Variants in ACTN4 observed in about 807,000 individuals in gnomAD.
ACTN4 encodes the protein actinin alpha 4.
In ACTN4, 18 loss-of-function variants were observed where a neutral mutation model predicts 114.2. The observed-to-expected ratio is 0.16, with a 90% CI of 0.11 to 0.23. The LOEUF (loss-of-function observed/expected upper bound fraction) is 0.23. Ranked by LOEUF, ACTN4 falls within the 10% of genes least tolerant of loss-of-function variation. The pLI is 1.00. For missense variants in ACTN4, 722 were observed against 1,262.9 expected, an observed-to-expected ratio of 0.57 and a Z score of 6.49; for synonymous variants, 515 against 506.3, an observed-to-expected ratio of 1.02 and a Z score of -0.23.
intron 16 of ACTN4, 49 bp from the exon 17 acceptor site, chr19:38,725,675 G>C (rs776626049): frequency 3.1e-6 from 5 of 1,596,016 alleles, no homozygotes; most frequent in African/African-American, 1.3e-5. Context: ...GGTGGTCAGT[G>C]GGGGCAGGCC....
intron 3 of ACTN4, among the ~76,000 whole-genome samples, chr19:38,701,751 C>T (rs1349878700): frequency 6.6e-6 from 1 of 152,240 alleles, no homozygotes; most frequent in Non-Finnish European, 1.5e-5. Flanking sequence ...GGGTTGAGCT[C>T]CCAGGCGCTT....
intron 6 of ACTN4, 94 bp downstream of exon 6, chr19:38,708,289 CCTCCAGAT>C: frequency 1.4e-6 from 2 of 1,397,058 alleles, no homozygotes; most frequent in Admixed American, 3.5e-5. Flanking sequence ...CCATCGCCAG[CCTCCAGAT>C]CTGGGTTCTG....
intron 1 of ACTN4, among the ~76,000 whole-genome samples, chr19:38,677,734 T>G (rs1967425457): frequency 6.6e-6 from 1 of 152,152 alleles, no homozygotes; most frequent in Admixed American, 6.6e-5. Flanking sequence ...GATGCGATGC[T>G]TTTCTTTTTT....
In ACTN4 at chr19:38,724,335, A is replaced by G. The variant is rs750486023; in HGVS notation, c.1871A>G (p.Glu624Gly). The change falls in exon 15 of 21, where the codon GAG becomes GGG. Residue 624 changes from glutamate (E) to glycine (G), a missense_variant. By Grantham distance (98) the Glu-to-Gly change is moderately conservative. This residue lies in a region of ACTN4 where 523 missense variants were observed against 875.9 expected (regional missense o/e 0.60). Coordinates refer to ENST00000252699, the MANE Select transcript of ACTN4 (RefSeq NM_004924.6). This position sits in a 1 kb window ranked among gnomAD's most constrained non-coding sequence, Gnocchi z 7.0. Reference sequence around the variant, plus strand: ...CCGCAAATCATCAACTCCAAGTGGGAGAAGGTGGGCCGGGGCCATCCGTAG... The same window carrying G: ...CCGCAAATCATCAACTCCAAGTGGGGGAAGGTGGGCCGGGGCCATCCGTAG... The part of the protein sequence containing the change: ...VTPQIINSKW[E>G]KVQQLVPKRD... The G allele has an allele frequency of 2.0e-5, 32 of 1,613,324 alleles. No homozygotes were observed. The highest frequency in any genetic ancestry group is 6.7e-5 in the Admixed American group (4 of 59,992).
At chr19:38,659,065 C>CTTTT (rs577141157) in intron 1 of ACTN4, among the ~76,000 whole-genome samples, 4 of 111,692 alleles carry the variant, frequency 3.6e-5, no homozygotes, top group East Asian at 2.5e-4. Context: ...CTTTTCTTTT[C>CTTTT]TTTTTTTTTT....
At chr19:38,707,989 A>G (rs1028034293) in intron 5 of ACTN4, 128 bp from the exon 6 acceptor site, 6 of 954,192 alleles carry the variant, frequency 6.3e-6, no homozygotes, top group Admixed American at 5.4e-5. Flanking sequence ...CACTGTCTCC[A>G]TGCAGTGCCT....
At chr19:38,719,557 G>T (rs537080285) in intron 11 of ACTN4, among the ~76,000 whole-genome samples, 1 of 152,250 alleles carries the variant, frequency 6.6e-6, no homozygotes, top group Non-Finnish European at 1.5e-5. Flanking sequence ...GCCGGGTGCC[G>T]CACTTCCCTC....
At chr19:38,673,392 A>G (rs971666153) in intron 1 of ACTN4, among the ~76,000 whole-genome samples, 11 of 144,744 alleles carry the variant, frequency 7.6e-5, no homozygotes, top group South Asian at 6.4e-4. Flanking sequence ...AATACCAACA[A>G]TGAAAACCCA....
At chr19:38,728,182 T>C in intron 19 of ACTN4, 156 bp downstream of exon 19, 2 of 1,301,770 alleles carry the variant, frequency 1.5e-6, no homozygotes, top group Non-Finnish European at 2.2e-6. Context: ...ACCCCTTCCC[T>C]TTTACCTGGT....
At chr19:38,676,697 C>A (rs1410676714) in intron 1 of ACTN4, among the ~76,000 whole-genome samples, 1 of 152,188 alleles carries the variant, frequency 6.6e-6, no homozygotes, top group Non-Finnish European at 1.5e-5. Context: ...AGCTTTTCAT[C>A]TCAGGAAGCC....
chr19:38,705,106 C>A (rs1968413266), intron 4 of ACTN4, 86 bp downstream of exon 4: 2 of 1,278,332 alleles, frequency 1.6e-6, no homozygotes, highest in Non-Finnish European at 2.3e-6. Context: ...ATGCTTCAAG[C>A]CTCTTCCTGT....
chr19:38,695,248 T>C (rs1009906936), intron 1 of ACTN4, among the ~76,000 whole-genome samples: 1 of 152,218 alleles, frequency 6.6e-6, no homozygotes, highest in Non-Finnish European at 1.5e-5. Flanking sequence ...AGTCAGTATT[T>C]GTGAGGCAGG....
At chr19:38,690,152 C>A (rs1405445074) in intron 1 of ACTN4, among the ~76,000 whole-genome samples, 3 of 152,202 alleles carry the variant, frequency 2.0e-5, no homozygotes, top group African/African-American at 7.2e-5. Context: ...GTGGGCCACC[C>A]CCTTTGGTTC....
At chr19:38,709,626 G>A in intron 7 of ACTN4, 150 bp downstream of exon 7, 1 of 743,818 alleles carries the variant, frequency 1.3e-6, no homozygotes, top group Non-Finnish European at 2.4e-6. Flanking sequence ...GAATGATTCT[G>A]GGTGAACTGG....
At chr19:38,728,418 T>TCCTCCTCCTCCC in intron 19 of ACTN4, 1 of 764,322 alleles carries the variant, frequency 1.3e-6, no homozygotes, top group Non-Finnish European at 1.7e-6. Flanking sequence ...CCGCTCCTCC[T>TCCTCCTCCTCCC]CCTCCTCCTC....
rs1018223090 is a variant in ACTN4, at chr19:38,727,805, C to T, written c.2338-141C>T. Reference sequence around the variant, plus strand: ...CCCGACCCCACGTGTCCCTGGCCATCTCCTTGTCCATGTTGCCTCTAACTC... The same window carrying T: ...CCCGACCCCACGTGTCCCTGGCCATTTCCTTGTCCATGTTGCCTCTAACTC... On this transcript the variant is annotated intron_variant, in intron 18 of 20. Coordinates refer to ENST00000252699, the MANE Select transcript of ACTN4 (RefSeq NM_004924.6). This position sits in a 1 kb window ranked among gnomAD's most constrained non-coding sequence, Gnocchi z 5.4. The T allele has an allele frequency of 9.0e-6, 7 of 777,150 alleles. No individual in the cohort carries two copies. In the South Asian group the frequency reaches 1.1e-4, roughly 13 times the overall value. 48.1% of individuals were successfully genotyped at this position (777,150 alleles called of 1,614,324 possible). A position where few individuals can be genotyped will look rare whatever the true frequency, so the allele number is the denominator to read the frequency against.
chr19:38,720,196 G>T lies in ACTN4; in HGVS notation c.1292-1342G>T, dbSNP rs903105062. Among the ~76,000 whole-genome samples, 7 of 152,220 alleles carry T rather than the reference G, an allele frequency of 4.6e-5. No homozygotes were observed. The East Asian group carries it at 9.6e-4, about 21-fold the overall frequency. The stretch of plus-strand genomic sequence containing the variant: ...CACCCCTCACCATCCCCCACAGCCC[G>T]CAGCGGGAGGGTCGTCGTGGATGCT... On this transcript the variant is annotated intron_variant, in intron 11 of 20. Coordinates refer to ENST00000252699, the MANE Select transcript of ACTN4 (RefSeq NM_004924.6).
chr19:38,716,986 C>A, intron 9 of ACTN4, 100 bp from the exon 10 acceptor site: 1 of 1,316,968 alleles, frequency 7.6e-7, no homozygotes, highest in Non-Finnish European at 1.1e-6. Context: ...AAGGTGGGGC[C>A]CTCAAAGATC....
At chr19:38,703,484 C>T (rs1417422003) in intron 3 of ACTN4, among the ~76,000 whole-genome samples, 1 of 152,160 alleles carries the variant, frequency 6.6e-6, no homozygotes, top group East Asian at 1.9e-4. Context: ...GCGATCCACA[C>T]CTGCCTCAGC....
Sources: gnomAD v4.1 joint callset for allele counts (sites outside exome capture counted in the v4.1 genomes callset) on GRCh38, gnomAD v4.1.1 for gene constraint, gnomAD v4.1.1 regional missense constraint, Gnocchi (gnomAD v3.1) non-coding constraint, MANE v1.5 for transcripts, NCBI Gene and HGNC (gene_info 2026-07-23, HGNC 2026-07-21) for gene names.